The following RHOA variants were observed in gnomAD, a reference collection of about 807,000 sequenced individuals.
RHOA encodes transforming protein RhoA.
In RHOA, 3 loss-of-function variants were observed where a neutral mutation model predicts 17.5. The ratio of observed to expected loss-of-function variants is 0.17; its 90% confidence interval spans 0.08 to 0.44. RHOA has a LOEUF of 0.44. RHOA is among the 20% of genes least tolerant of loss of function. RHOA has a pLI of 0.99. For synonymous variants in RHOA, 98 were observed against 88.4 expected (o/e 1.11, Z -0.61); for missense variants, 56 against 242.3 (o/e 0.23, Z 5.10).
intron 1 of RHOA, among the ~76,000 whole-genome samples, chr3:49,378,170 T>TAAAAA (rs71627382): frequency 7.7e-5 from 7 of 90,470 alleles, no homozygotes; most frequent in East Asian, 8.8e-4. Flanking sequence ...AACTGTGTCT[T>TAAAAA]AAAAAAAAAA....
chr3:49,404,433 A>T (rs199556455), intron 1 of RHOA, among the ~76,000 whole-genome samples: 1 of 90,766 alleles, frequency 1.1e-5, no homozygotes, highest in Non-Finnish European at 2.1e-5. Flanking sequence ...TCTCTAGTAA[A>T]ACACACACAC....
chr3:49,395,460 C>T (rs1385774177), intron 1 of RHOA, among the ~76,000 whole-genome samples: 1 of 152,062 alleles, frequency 6.6e-6, no homozygotes, highest in African/African-American at 2.4e-5. Flanking sequence ...CCTGTAATCC[C>T]GGCACTTTGG....
rs766561514 is a variant in RHOA at position 49,360,386 on chromosome 3, G to T, written c.409-4C>A. The T allele has an allele frequency of 6.3e-7, 1 of 1,593,980 alleles. No individual in the cohort carries two copies. The highest frequency in any genetic ancestry group is 2.2e-5 in the East Asian group (1 of 44,724). ...CTTCTTCAGGTTTCACCGGCTCCTA[G>T]CAAAGAAAAAAAAATAGTCCTTTTA... On this transcript the variant is annotated splice_polypyrimidine_tract_variant and splice_region_variant and intron_variant, in intron 4 of 4. Coordinates refer to ENST00000418115, the MANE Select transcript of RHOA (RefSeq NM_001664.4).
intron 1 of RHOA, among the ~76,000 whole-genome samples, chr3:49,410,919 A>G (rs1220364225): frequency 1.3e-5 from 2 of 152,240 alleles, no homozygotes; most frequent in Non-Finnish European, 2.9e-5. Context: ...ACTTTGAGGT[A>G]AAAAGGATTC....
chr3:49,394,554 T>C (rs967771584), intron 1 of RHOA, among the ~76,000 whole-genome samples: 1 of 151,840 alleles, frequency 6.6e-6, no homozygotes, highest in African/African-American at 2.4e-5. Context: ...TTTGACCATA[T>C]TGGCCAAACT....
intron 2 of RHOA, 32 bp from the exon 3 acceptor site, chr3:49,368,580 A>C (rs1391705385): frequency 6.2e-7 from 1 of 1,613,646 alleles, no homozygotes; most frequent in Non-Finnish European, 8.5e-7. Flanking sequence ...CAAGAGTGCA[A>C]GGTTAATCCC....
chr3:49,363,266 A>C lies in RHOA; in HGVS notation c.278-640T>G, dbSNP rs990664699. Among the ~76,000 whole-genome samples, 3 of 151,950 alleles carry C rather than the reference A, an allele frequency of 2.0e-5. No individual in the cohort carries two copies. In the East Asian group the frequency reaches 5.8e-4, roughly 29 times the overall value. Reference sequence around the variant, plus strand: ...ACCCCGTCTCTACTAAAAATACAAAAAAAATTAGCCGGGTGTAGTGGTGGG... The same window carrying C: ...ACCCCGTCTCTACTAAAAATACAAACAAAATTAGCCGGGTGTAGTGGTGGG... On this transcript the variant is annotated intron_variant, in intron 3 of 4. Transcript: ENST00000418115.
chr3:49,394,160 G>A lies in RHOA; in HGVS notation c.-3+17660C>T, dbSNP rs563891116. 9.2e-5 allele frequency among the ~76,000 whole-genome samples: 14 copies of A among 151,796 alleles called. No individual in the cohort carries two copies. In the South Asian group the frequency reaches 1.0e-3, roughly 11 times the overall value. On this transcript the variant is annotated intron_variant, in intron 1 of 4. Coordinates refer to ENST00000418115, the MANE Select transcript of RHOA (RefSeq NM_001664.4). ...GCTGGGATTACAGGTGTGAGCCACC[G>A]CCCCCGGCCTAATTTTTGTATTTTT... is the stretch of plus-strand genomic sequence containing the variant.
chr3:49,382,938 C>T (rs2048340469), intron 1 of RHOA, among the ~76,000 whole-genome samples: 1 of 151,678 alleles, frequency 6.6e-6, no homozygotes, highest in Admixed American at 6.6e-5. Flanking sequence ...ACCTGTAATC[C>T]CAACTACTGA....
chr3:49,409,759 G>T (rs1453628942), intron 1 of RHOA, among the ~76,000 whole-genome samples: 2 of 152,110 alleles, frequency 1.3e-5, no homozygotes, highest in African/African-American at 4.8e-5. Flanking sequence ...CTGACAAATG[G>T]AAAGAAATCA....
At position 49,406,204 on chromosome 3, in the gene RHOA, C is replaced by T. The variant is rs148078077; in HGVS notation, c.-3+5616G>A. Reference sequence around the variant, plus strand: ...ACATTAAATATCCATCTTAAATTTACTTCCTTAACCTCTCAAAGCCTATAT... The same window carrying T: ...ACATTAAATATCCATCTTAAATTTATTTCCTTAACCTCTCAAAGCCTATAT... On this transcript the variant is annotated intron_variant, in intron 1 of 4. Coordinates refer to ENST00000418115, the MANE Select transcript of RHOA (RefSeq NM_001664.4). 5.2e-3 allele frequency among the ~76,000 whole-genome samples: 798 copies of T among 152,224 alleles called. 4 individuals are homozygous for T. Among genetic ancestry groups the T allele is most frequent in the Middle Eastern group, 0.024 (7 of 294 alleles).
chr3:49,365,241 C>G (rs1201117515), intron 3 of RHOA: 1 of 151,142 alleles, frequency 6.6e-6, no homozygotes, highest in Non-Finnish European at 1.5e-5. Context: ...CTCCCGGGTT[C>G]AAGCAATTCT....
chr3:49,369,862 G>T (rs2048123815), intron 2 of RHOA, among the ~76,000 whole-genome samples: 1 of 152,236 alleles, frequency 6.6e-6, no homozygotes, highest in South Asian at 2.1e-4. Context: ...GAAGTCGGAA[G>T]TTCGAGACTA....
At chr3:49,384,421 T>G (rs2048365174) in intron 1 of RHOA, among the ~76,000 whole-genome samples, 1 of 152,204 alleles carries the variant, frequency 6.6e-6, no homozygotes, top group Admixed American at 6.5e-5. Context: ...CTTATAAGTT[T>G]GGAGTAGAGG....
chr3:49,386,568 T>C (rs1269085809), intron 1 of RHOA, among the ~76,000 whole-genome samples: 2 of 152,118 alleles, frequency 1.3e-5, no homozygotes, highest in African/African-American at 2.4e-5. Context: ...AGTACACATT[T>C]CTAAACATTC....
intron 3 of RHOA, among the ~76,000 whole-genome samples, chr3:49,363,731 A>G (rs1338929722): frequency 6.6e-6 from 1 of 152,044 alleles, no homozygotes; most frequent in Admixed American, 6.6e-5. Flanking sequence ...GTGCACCTAT[A>G]GTCCCAGCTA....
At chr3:49,400,679 C>CCA (rs753817402) in intron 1 of RHOA, among the ~76,000 whole-genome samples, 8 of 151,956 alleles carry the variant, frequency 5.3e-5, no homozygotes, top group Non-Finnish European at 1.0e-4. Flanking sequence ...TATGATCATG[C>CCA]CACTGCACTC....
At position 49,360,330 on chromosome 3, in the gene RHOA, A is replaced by C; in HGVS notation, c.461T>G (p.Phe154Cys). 2 of 1,613,986 alleles carry C rather than the reference A, an allele frequency of 1.2e-6. No individual in the cohort carries two copies. The highest frequency in any genetic ancestry group is 1.7e-6 in the Non-Finnish European group (2 of 1,179,972). ...CTTTGCTGAACACTCCATGTACCCAAAAGCGCCAATCCTGTTTGCCATATC... is the reference window on the plus strand; with the variant it reads ...CTTTGCTGAACACTCCATGTACCCACAAGCGCCAATCCTGTTTGCCATATC... ...GRDMANRIGA[F>C]GYMECSAKTK... The change falls in exon 5 of 5, where the codon TTT becomes TGT. Residue 154 changes from phenylalanine to cysteine, a missense_variant. By Grantham distance (205) the Phe-to-Cys change is radical. Transcript: ENST00000418115.
chr3:49,401,209 C>T (rs1481210586), intron 1 of RHOA, among the ~76,000 whole-genome samples: 1 of 151,890 alleles, frequency 6.6e-6, no homozygotes, highest in Non-Finnish European at 1.5e-5. Context: ...CAAACAAGAC[C>T]TACAAGTAAC....
Sources: allele counts gnomAD v4.1 joint callset (sites outside exome capture counted in the v4.1 genomes callset), GRCh38; gene constraint gnomAD v4.1.1; transcripts MANE v1.5; gene names NCBI Gene and HGNC (gene_info 2026-07-23, HGNC 2026-07-21).